FRMD4B: variants seen among roughly 807,000 people sequenced by gnomAD.
FRMD4B encodes FERM domain-containing protein 4B.
FRMD4B carries 74 observed loss-of-function variants against 141.5 expected under a neutral mutation model. The ratio of observed to expected loss-of-function variants is 0.52; its 90% CI spans 0.43 to 0.63. The LOEUF is 0.63. FRMD4B is among the 30% of genes least tolerant of loss of function. The pLI, the probability that FRMD4B is intolerant of heterozygous loss-of-function variation, is 0.00. For synonymous variants in FRMD4B, 506 were observed against 467.9 expected, an observed-to-expected ratio of 1.08 and a Z score of -1.05; for missense variants, 1,366 against 1,253.4, an observed-to-expected ratio of 1.09 and a Z score of -1.36.
At chr3:69,395,610 A>G (rs1704460801) in intron 2 of FRMD4B, among the ~76,000 whole-genome samples, 1 of 152,214 alleles carries the variant, frequency 6.6e-6, no homozygotes, top group Admixed American at 6.5e-5. Flanking sequence ...AAAGAAAAGA[A>G]AGGAAAAGTC....
At chr3:69,249,034 T>G (rs2093444424) in intron 7 of FRMD4B, among the ~76,000 whole-genome samples, 192 bp downstream of exon 7, 2 of 152,312 alleles carry the variant, frequency 1.3e-5, no homozygotes, top group South Asian at 4.1e-4. Flanking sequence ...CTTCAAAAAC[T>G]GTAAGAAAGC....
In FRMD4B at chr3:69,213,568, G is replaced by A. The variant is rs558245551; in HGVS notation, c.876+2695C>T. ...TCCTTAAATTGATCTTGGTCACAGA[G>A]CTTATAGAATAAAAATGTTAACAGT... On this transcript the variant is annotated intron_variant, in intron 11 of 22. Coordinates refer to ENST00000398540, the MANE Select transcript of FRMD4B (RefSeq NM_015123.3). Among the ~76,000 whole-genome samples, 39 of 151,782 alleles carry A rather than the reference G, an allele frequency of 2.6e-4. No homozygotes were observed. In the South Asian group the frequency reaches 8.1e-3, roughly 32 times the overall value.
chr3:69,425,097 T>C (rs981215668), intron 2 of FRMD4B, among the ~76,000 whole-genome samples: 3 of 152,234 alleles, frequency 2.0e-5, no homozygotes, highest in Admixed American at 2.0e-4. Flanking sequence ...CTTTCATCTC[T>C]TCCATGGTTT....
intron 5 of FRMD4B, among the ~76,000 whole-genome samples, chr3:69,281,123 G>A (rs1037711750): frequency 1.3e-5 from 2 of 151,720 alleles, no homozygotes; most frequent in Admixed American, 6.6e-5. Flanking sequence ...TAGTAGAGAC[G>A]GGGTTTCTCC....
At chr3:69,446,834 G>A (rs1197585616) in intron 1 of FRMD4B, among the ~76,000 whole-genome samples, 1 of 152,140 alleles carries the variant, frequency 6.6e-6, no homozygotes, top group Non-Finnish European at 1.5e-5. Flanking sequence ...AGACCCTTTG[G>A]AGACATCAGT....
At chr3:69,455,300 G>A (rs952262415) in intron 1 of FRMD4B, among the ~76,000 whole-genome samples, 12 of 152,184 alleles carry the variant, frequency 7.9e-5, no homozygotes, top group African/African-American at 2.2e-4. Context: ...ACATAATGTG[G>A]GAGGTTTGTT....
intron 1 of FRMD4B, among the ~76,000 whole-genome samples, chr3:69,449,133 A>T (rs1031894953): frequency 6.6e-6 from 1 of 152,182 alleles, no homozygotes; most frequent in Non-Finnish European, 1.5e-5. Context: ...TTATCACCCC[A>T]AGGCCTCTCA....
rs79559202 is a variant in FRMD4B, at chr3:69,537,724, A to G, written c.-129+4482T>C. On this transcript the variant is annotated intron_variant, in intron 1 of 5. Coordinates refer to the FRMD4B transcript ENST00000459638. ...GACAGCTAAGGTTTTCCTTATACACATGAAAAATCATATTGATAATCTATT... is the reference window on the plus strand; with the variant it reads ...GACAGCTAAGGTTTTCCTTATACACGTGAAAAATCATATTGATAATCTATT... Among the ~76,000 whole-genome samples, 4 of 152,372 alleles carry G rather than the reference A, an allele frequency of 2.6e-5. No homozygotes were observed. The East Asian group carries it at 5.8e-4, about 22-fold the overall frequency.
At chr3:69,271,363 T>A in intron 5 of FRMD4B, among the ~76,000 whole-genome samples, 1 of 152,240 alleles carries the variant, frequency 6.6e-6, no homozygotes, top group East Asian at 1.9e-4. Flanking sequence ...TTTATGACTA[T>A]GTCCTTGTAC....
intron 2 of FRMD4B, among the ~76,000 whole-genome samples, chr3:69,415,430 T>C (rs559712888): frequency 6.6e-6 from 1 of 152,266 alleles, no homozygotes; most frequent in East Asian, 1.9e-4. Context: ...AAGCCCCATC[T>C]ACCTCTCCCT....
At chr3:69,304,619 T>C (rs1301001175) in intron 3 of FRMD4B, among the ~76,000 whole-genome samples, 1 of 152,070 alleles carries the variant, frequency 6.6e-6, no homozygotes, top group African/African-American at 2.4e-5. Flanking sequence ...ACCAAGTTCA[T>C]AAACAGTTCT....
intron 7 of FRMD4B, among the ~76,000 whole-genome samples, chr3:69,229,258 T>G (rs1050936436): frequency 1.3e-5 from 2 of 152,086 alleles, no homozygotes; most frequent in African/African-American, 4.8e-5. Context: ...ACTCCTGGCC[T>G]CCAGCAACCT....
chr3:69,479,193 T>C (rs1706067589), intron 1 of FRMD4B, among the ~76,000 whole-genome samples: 3 of 150,976 alleles, frequency 2.0e-5, no homozygotes, highest in Admixed American at 2.0e-4. Context: ...ATTGGAGCAT[T>C]TAGTCCATTT....
chr3:69,407,544 ATGTC>A (rs1449345486), intron 2 of FRMD4B, among the ~76,000 whole-genome samples: 2 of 152,230 alleles, frequency 1.3e-5, no homozygotes, highest in African/African-American at 4.8e-5. Context: ...AAGAGGTGCA[ATGTC>A]TGACATGGCA....
At chr3:69,239,107 C>T (rs982530867) in intron 7 of FRMD4B, among the ~76,000 whole-genome samples, 1 of 152,112 alleles carries the variant, frequency 6.6e-6, no homozygotes, top group Admixed American at 6.6e-5. Flanking sequence ...TGCCAAGTTC[C>T]GAGTTGTGAG....
chr3:69,446,896 C>T (rs936861681), intron 1 of FRMD4B, among the ~76,000 whole-genome samples: 16 of 152,100 alleles, frequency 1.1e-4, no homozygotes, highest in African/African-American at 3.9e-4. Context: ...TACAGTGCTT[C>T]TTGAGGGAAT....
intron 5 of FRMD4B, among the ~76,000 whole-genome samples, chr3:69,267,634 TATAGAGAGAGAGAG>T (rs2093572985): frequency 1.4e-3 from 14 of 10,254 alleles, no homozygotes; most frequent in African/African-American, 4.8e-3. Flanking sequence ...TATATATATA[TATAGAGAGAGAGAG>T]AGAGAGAGAG....
At chr3:69,355,534 G>C (rs1334465653) in intron 1 of FRMD4B, among the ~76,000 whole-genome samples, 1 of 152,170 alleles carries the variant, frequency 6.6e-6, no homozygotes, top group Non-Finnish European at 1.5e-5. Context: ...TGGTAAAAAT[G>C]TTTTCACTGT....
intron 7 of FRMD4B, among the ~76,000 whole-genome samples, chr3:69,245,661 T>G (rs909161468): frequency 1.8e-4 from 15 of 81,100 alleles, no homozygotes; most frequent in African/African-American, 6.0e-4. Flanking sequence ...CTGATTTTCT[T>G]TTCTTTTTTT....
Sources: allele counts gnomAD v4.1 joint callset (sites outside exome capture counted in the v4.1 genomes callset), GRCh38; gene constraint gnomAD v4.1.1; transcripts MANE v1.5; gene names NCBI Gene and HGNC (gene_info 2026-07-23, HGNC 2026-07-21).